Variants in HFM1 observed in about 807,000 individuals in gnomAD.
HFM1 encodes helicase for meiosis 1, also known as probable ATP-dependent DNA helicase HFM1.
HFM1 carries 169 observed loss-of-function variants against 192.1 expected under a neutral mutation model. That is an observed-to-expected ratio of 0.88 (90% CI 0.78 to 1.00). HFM1 has a LOEUF of 1.00. Among genes scored for constraint, HFM1 ranks in the 50% least tolerant of loss-of-function variants. The pLI is 0.00. For synonymous variants in HFM1, 525 were observed against 537.8 expected, an observed-to-expected ratio of 0.98 and a Z score of 0.33; for missense variants, 1,661 against 1,668.0, an observed-to-expected ratio of 1.00 and a Z score of 0.07.
At chr1:91,276,891 T>G (rs2100778221) in intron 31 of HFM1, 91 bp downstream of exon 31, 2 of 856,270 alleles carry the variant, frequency 2.3e-6, no homozygotes, top group East Asian at 5.1e-5. Context: ...TTGCATAATA[T>G]AAATATCATA....
chr1:91,293,110 A>T (rs1158092869), intron 30 of HFM1, among the ~76,000 whole-genome samples: 1 of 152,116 alleles, frequency 6.6e-6, no homozygotes, highest in African/African-American at 2.4e-5. Flanking sequence ...CTAGAAGAAA[A>T]CCTAGGCATT....
intron 34 of HFM1, among the ~76,000 whole-genome samples, chr1:91,269,778 G>A (rs1426525929): frequency 6.6e-6 from 1 of 152,154 alleles, no homozygotes; most frequent in East Asian, 1.9e-4. Context: ...TGATAGAGCT[G>A]TAGTTGTGAA....
chr1:91,396,478 C>T (rs1239567840), intron 2 of HFM1, 73 bp from the exon 3 acceptor site: 3 of 760,546 alleles, frequency 3.9e-6, no homozygotes, highest in South Asian at 4.4e-5. Flanking sequence ...GTTTATTAAA[C>T]ATTACTCAAT....
At chr1:91,280,530 A>G (rs937314268) in intron 30 of HFM1, among the ~76,000 whole-genome samples, 1 of 152,208 alleles carries the variant, frequency 6.6e-6, no homozygotes, top group Admixed American at 6.5e-5. Flanking sequence ...AAATGGCAAG[A>G]TAGGTAGTCT....
Position 91,385,870 on chromosome 1 carries a change from G to A in HFM1, c.495-36C>T, listed in dbSNP as rs542147207. On this transcript the variant is annotated intron_variant, in intron 4 of 38. Coordinates refer to ENST00000370425, the MANE Select transcript of HFM1 (RefSeq NM_001017975.6). ...AAAAAAGACCCACATATTTTCTCAC[G>A]TGTAACACTTGCTTGGAATATGAAA... The A allele has an allele frequency of 1.4e-4, 208 of 1,539,160 alleles. 1 individual carries two copies. The highest frequency in any genetic ancestry group is 1.1e-3 in the Middle Eastern group (5 of 4,674).
intron 36 of HFM1, among the ~76,000 whole-genome samples, chr1:91,264,310 C>T (rs1665461734): frequency 6.9e-6 from 1 of 144,126 alleles, no homozygotes; most frequent in Non-Finnish European, 1.5e-5. Context: ...TACTAATAAT[C>T]AGTAATGGCC....
intron 30 of HFM1, among the ~76,000 whole-genome samples, chr1:91,294,909 T>C (rs960491388): frequency 2.6e-5 from 4 of 152,230 alleles, no homozygotes; most frequent in Non-Finnish European, 5.9e-5. Context: ...GGAATTACTC[T>C]ATCATAGAAT....
chr1:91,283,136 C>A (rs562186483), intron 30 of HFM1, among the ~76,000 whole-genome samples: 1 of 152,108 alleles, frequency 6.6e-6, no homozygotes, highest in African/African-American at 2.4e-5. Flanking sequence ...CTCCCTTTAC[C>A]CTGCCGCCCT....
chr1:91,279,708 C>T (rs1432868008), intron 30 of HFM1, among the ~76,000 whole-genome samples: 3 of 152,166 alleles, frequency 2.0e-5, no homozygotes, highest in Non-Finnish European at 1.5e-5. Context: ...ACCCTCATTT[C>T]CTTGCCCAAC....
intron 30 of HFM1, among the ~76,000 whole-genome samples, chr1:91,286,917 T>A (rs1054085196): frequency 6.6e-6 from 1 of 151,964 alleles, no homozygotes; most frequent in Non-Finnish European, 1.5e-5. Flanking sequence ...CCTGGAAAAT[T>A]GGGTCACTCC....
intron 13 of HFM1, among the ~76,000 whole-genome samples, chr1:91,365,941 C>A (rs1659240705): frequency 6.9e-6 from 1 of 144,406 alleles, no homozygotes; most frequent in African/African-American, 2.6e-5. Flanking sequence ...TAATTCAAAT[C>A]TGAGTCTCTA....
At chr1:91,340,208 C>T (rs887217760) in intron 20 of HFM1, among the ~76,000 whole-genome samples, 1 of 152,106 alleles carries the variant, frequency 6.6e-6, no homozygotes, top group Non-Finnish European at 1.5e-5. Flanking sequence ...CAAGGTGTCA[C>T]TATATTGCTC....
intron 15 of HFM1, 140 bp from the exon 16 acceptor site, chr1:91,352,791 C>T (rs1657132603): frequency 1.5e-6 from 1 of 674,886 alleles, no homozygotes; most frequent in African/African-American, 1.9e-5. Flanking sequence ...GCATTACAAT[C>T]TAAAATAGTA....
intron 20 of HFM1, among the ~76,000 whole-genome samples, chr1:91,336,659 G>A (rs1043590622): frequency 1.3e-5 from 2 of 152,158 alleles, no homozygotes; most frequent in Admixed American, 6.5e-5. Context: ...CAACCACTGC[G>A]GAAGACAGTG....
At chr1:91,272,689 T>G (rs1666423948) in intron 34 of HFM1, among the ~76,000 whole-genome samples, 1 of 152,068 alleles carries the variant, frequency 6.6e-6, no homozygotes, top group Non-Finnish European at 1.5e-5. Context: ...CATCCAGGCT[T>G]TGAATAAGTT....
intron 34 of HFM1, among the ~76,000 whole-genome samples, chr1:91,269,528 A>T (rs1666077371): frequency 6.6e-6 from 1 of 152,070 alleles, no homozygotes; most frequent in African/African-American, 2.4e-5. Flanking sequence ...TTATTCTTCA[A>T]CTGTACCTAT....
chr1:91,277,923 T>TATACACTA (rs1345110320), intron 30 of HFM1, among the ~76,000 whole-genome samples: 4 of 137,284 alleles, frequency 2.9e-5, no homozygotes, highest in Non-Finnish European at 6.1e-5. Context: ...TACACTAATA[T>TATACACTA]ATAATATATA....
At chr1:91,299,086 G>A (rs1261010800) in intron 30 of HFM1, among the ~76,000 whole-genome samples, 1 of 152,136 alleles carries the variant, frequency 6.6e-6, no homozygotes, top group African/African-American at 2.4e-5. Context: ...ATAAAGGGAT[G>A]GAGGAAGATC....
chr1:91,310,722 G>A (rs1407856059), intron 30 of HFM1, among the ~76,000 whole-genome samples: 3 of 152,172 alleles, frequency 2.0e-5, no homozygotes, highest in African/African-American at 7.2e-5. Context: ...GGTTTATCAA[G>A]GGTTTCTGCT....
Sources: gnomAD v4.1 joint callset for allele counts (sites outside exome capture counted in the v4.1 genomes callset) on GRCh38, gnomAD v4.1.1 for gene constraint, MANE v1.5 for transcripts, NCBI Gene and HGNC (gene_info 2026-07-23, HGNC 2026-07-21) for gene names.